PAXIP1: variants seen among roughly 807,000 people sequenced by gnomAD.
PAXIP1 encodes the protein PAX-interacting protein 1.
A neutral mutation model predicts 140.6 loss-of-function variants in PAXIP1; 19 were observed. The ratio of observed to expected loss-of-function variants is 0.14; its 90% CI spans 0.09 to 0.20. The LOEUF (loss-of-function observed/expected upper bound fraction) is 0.20. Ranked by LOEUF, PAXIP1 falls within the 10% of genes least tolerant of loss-of-function variation. PAXIP1 has a pLI of 1.00. For missense variants in PAXIP1, 920 were observed against 1,208.6 expected, an observed-to-expected ratio of 0.76 and a Z score of 3.54; for synonymous variants, 442 against 444.6, an observed-to-expected ratio of 0.99 and a Z score of 0.07.
chr7:154,946,522 G>A lies in PAXIP1; in HGVS notation c.3123C>T (p.Ala1041=), dbSNP rs765151848. The A allele has an allele frequency of 1.2e-6, 2 of 1,613,828 alleles. No individual in the cohort carries two copies. Among genetic ancestry groups the A allele is most frequent in the South Asian group, 2.2e-5 (2 of 91,074 alleles). Residue 1041 remains alanine (A), a synonymous_variant, in exon 19 of 21, where the codon GCC becomes GCT. Transcript: ENST00000404141. The surrounding 1 kb of genome is among the most constrained non-coding windows in gnomAD (Gnocchi z 4.9). ...NDLHLCREYF[A]RGIDVHNAEF... Reference sequence around the variant, plus strand: ...AGCGGGGAAACGTACCTATGCCTCTGGCAAAATATTCTCGGCATAAATGAA... The same window carrying A: ...AGCGGGGAAACGTACCTATGCCTCTAGCAAAATATTCTCGGCATAAATGAA...
intron 4 of PAXIP1, among the ~76,000 whole-genome samples, chr7:154,989,713 T>C (rs306285): frequency 0.55 from 83,771 of 152,118 alleles, 23,690 homozygotes; most frequent in Admixed American, 0.65. Context: ...ATTCAGATAC[T>C]CAGAACTAAC....
chr7:154,955,320 G>C (rs1160611138), intron 15 of PAXIP1, among the ~76,000 whole-genome samples: 3 of 152,154 alleles, frequency 2.0e-5, no homozygotes, highest in Non-Finnish European at 4.4e-5. Flanking sequence ...AAGTATCTAA[G>C]TATGAAATAA....
rs138120114 is a variant in PAXIP1, at chr7:154,946,202, CAAAT to C, written c.3194+159_3194+162del. On this transcript the variant is annotated intron_variant, in intron 20 of 20. Transcript: ENST00000404141. The surrounding 1 kb of genome is among the most constrained non-coding windows in gnomAD (Gnocchi z 4.9). The stretch of plus-strand genomic sequence containing the variant: ...TAAGAGAATATTTTTACTAGCAACT[CAAAT>C]GAATATTCTGAAGAGAAAAGAATTG... The C allele has an allele frequency of 2.8e-5, 28 of 984,106 alleles. No homozygotes were observed. The African/African-American group carries it at 4.5e-4, about 16-fold the overall frequency. The allele number at this position is 984,106 out of a possible 1,614,324, so 61.0% of individuals were successfully genotyped here.
Position 154,962,267 on chromosome 7 carries a change from T to C in PAXIP1, c.2127+54A>G, listed in dbSNP as rs554381761. 2.5e-6 allele frequency: 4 copies of C among 1,599,642 alleles called. No individual in the cohort carries two copies. In the African/African-American group the frequency reaches 4.0e-5, roughly 16 times the overall value. ...TCAGGTAAGCACTAGCAAGTGATTATTCGCCAAAGTCGAAGGATGATTTAA... is the reference window on the plus strand; with the variant it reads ...TCAGGTAAGCACTAGCAAGTGATTACTCGCCAAAGTCGAAGGATGATTTAA... On this transcript the variant is annotated intron_variant, in intron 10 of 20. Transcript: ENST00000404141.
At chr7:154,967,101 T>G (rs552567055) in intron 8 of PAXIP1, among the ~76,000 whole-genome samples, 1 of 152,192 alleles carries the variant, frequency 6.6e-6, no homozygotes, top group Non-Finnish European at 1.5e-5. Context: ...CAGCCTGCAT[T>G]TGCCACCCCA....
In PAXIP1 at chr7:154,973,168, A is replaced by T. The variant is rs1809410463; in HGVS notation, c.1074+2528T>A. ...CAATCCCTGGCCTTGCAGCTCTTGG[A>T]CCTCCTCATCTTGGTGGCCTTCTCC... is the stretch of plus-strand genomic sequence containing the variant. On this transcript the variant is annotated intron_variant, in intron 6 of 20. Coordinates refer to ENST00000404141, the MANE Select transcript of PAXIP1 (RefSeq NM_007349.4). The surrounding 1 kb of genome is among the most constrained non-coding windows in gnomAD (Gnocchi z 4.0). Among the ~76,000 whole-genome samples the T allele has an allele frequency of 6.7e-6, 1 of 150,224 alleles. No homozygotes were observed. Among genetic ancestry groups the T allele is most frequent in the Non-Finnish European group, 1.5e-5 (1 of 67,310 alleles).
intron 17 of PAXIP1, chr7:154,947,648 T>C (rs753597818): frequency 1.3e-5 from 5 of 394,500 alleles, no homozygotes; most frequent in Admixed American, 3.9e-5. Context: ...TTATTTCTCA[T>C]AGATGTATTT....
rs1423830452 is a variant in PAXIP1, at chr7:154,958,553, A to G, written c.2479-1259T>C. 2.6e-5 allele frequency among the ~76,000 whole-genome samples: 4 copies of G among 152,350 alleles called. No individual in the cohort carries two copies. In the East Asian group the frequency reaches 7.7e-4, roughly 29 times the overall value. ...TTTATAATAATTTGCAGGAAAGTTT[A>G]TTACTTTCCTATTATAGCCTTTATA... is the stretch of plus-strand genomic sequence containing the variant. On this transcript the variant is annotated intron_variant, in intron 13 of 20. Transcript: ENST00000404141.
chr7:154,944,351 C>T, intron 20 of PAXIP1, 187 bp from the exon 21 acceptor site: 1 of 518,068 alleles, frequency 1.9e-6, no homozygotes. Flanking sequence ...CCCCGACACA[C>T]AGGCTCACTC....
chr7:154,952,591 C>G (rs548154901), intron 16 of PAXIP1, among the ~76,000 whole-genome samples: 1 of 152,266 alleles, frequency 6.6e-6, no homozygotes, highest in Admixed American at 6.5e-5. Flanking sequence ...ATCATGAGTT[C>G]AATGTCAGTG....
At position 154,944,090 on chromosome 7, in the gene PAXIP1, C is replaced by T; in HGVS notation, c.*59G>A. 6.3e-7 allele frequency: 1 copy of T among 1,590,674 alleles called. No homozygotes were observed. Among genetic ancestry groups the T allele is most frequent in the Non-Finnish European group, 8.6e-7 (1 of 1,161,352 alleles). On this transcript the variant is annotated 3_prime_UTR_variant, in exon 21 of 21. Transcript: ENST00000404141. ...GTGAAGGAAGCGCAGCAGCTCCTCG[C>T]CAGCCAGACAGCCAGCCCCGCACCG...
chr7:154,966,327 G>C (rs906775696), intron 8 of PAXIP1, among the ~76,000 whole-genome samples: 1 of 152,120 alleles, frequency 6.6e-6, no homozygotes, highest in East Asian at 1.9e-4. Flanking sequence ...GCTTGTCTTT[G>C]AGAGAAAACA....
intron 5 of PAXIP1, among the ~76,000 whole-genome samples, chr7:154,982,761 C>T (rs1207448595): frequency 2.0e-5 from 3 of 152,042 alleles, no homozygotes; most frequent in Admixed American, 1.3e-4. Context: ...AGGATGAGAG[C>T]CCTATGCTTA....
At chr7:154,992,606 AAAG>A (rs1190429518) in intron 3 of PAXIP1, among the ~76,000 whole-genome samples, 4 of 152,046 alleles carry the variant, frequency 2.6e-5, no homozygotes, top group Admixed American at 2.6e-4. Flanking sequence ...AAAAAAAAAA[AAAG>A]ATCTCAGCTT....
At chr7:154,980,352 G>A (rs901276731) in intron 5 of PAXIP1, among the ~76,000 whole-genome samples, 9 of 150,864 alleles carry the variant, frequency 6.0e-5, no homozygotes, top group African/African-American at 1.2e-4. Flanking sequence ...TCTTTTTTTC[G>A]CAGCCGCTAT....
In PAXIP1 at chr7:154,967,907, G is replaced by A; in HGVS notation, c.1802C>T (p.Pro601Leu). 2.5e-6 allele frequency: 4 copies of A among 1,605,984 alleles called. No homozygotes were observed. The highest frequency in any genetic ancestry group is 2.6e-6 in the Non-Finnish European group (3 of 1,174,186). Residue 601 changes from proline (P) to leucine (L), a missense_variant, in exon 8 of 21, where the codon CCA becomes CTA. Pro to Leu is a moderately conservative substitution (Grantham distance 98). Transcript: ENST00000404141. ...ACATCCCAATAAGAAGCCTTCTTCT[G>A]GAACTAGAGTAAAATTACATAAGAA... is the stretch of plus-strand genomic sequence containing the variant. ...LFGHDPAVEI[P>L]EEGFLLGCVF...
intron 5 of PAXIP1, among the ~76,000 whole-genome samples, chr7:154,977,175 GGGTGTAGAATGT>G (rs1304774403): frequency 6.6e-6 from 1 of 152,164 alleles, no homozygotes; most frequent in East Asian, 1.9e-4. Context: ...CTGTGGTAAA[GGGTGTAGAATGT>G]GGAAGGCACA....
chr7:154,978,634 T>C, intron 5 of PAXIP1, among the ~76,000 whole-genome samples: 1 of 152,212 alleles, frequency 6.6e-6, no homozygotes, highest in East Asian at 1.9e-4. Context: ...GAAGTCCAGG[T>C]ACACAGCAGA....
chr7:154,998,953 C>A (rs1253737156), intron 1 of PAXIP1, among the ~76,000 whole-genome samples, 169 bp from the exon 2 acceptor site: 1 of 152,174 alleles, frequency 6.6e-6, no homozygotes, highest in African/African-American at 2.4e-5. Flanking sequence ...ATGAAACTTT[C>A]GGGGACAATC....
Sources: gnomAD v4.1 joint callset for allele counts (sites outside exome capture counted in the v4.1 genomes callset) on GRCh38, gnomAD v4.1.1 for gene constraint, Gnocchi (gnomAD v3.1) non-coding constraint, MANE v1.5 for transcripts, NCBI Gene and HGNC (gene_info 2026-07-23, HGNC 2026-07-21) for gene names.